The following ZNF721 variants were observed in gnomAD, a reference collection of about 807,000 sequenced individuals.
The protein encoded by ZNF721 is zinc finger protein 721.
Under a neutral mutation model 2.4 loss-of-function variants are expected in ZNF721, and 2 were observed. The ratio of observed to expected loss-of-function variants is 0.82; its 90% CI spans 0.34 to 2.58. The LOEUF (loss-of-function observed/expected upper bound fraction) is 2.58. Among genes scored for constraint, ZNF721 ranks in the 30% most tolerant of loss-of-function variants. The pLI is 0.11. For synonymous variants in ZNF721, 398 were observed against 381.8 expected (o/e 1.04, Z -0.50); for missense variants, 1,187 against 1,085.5 (o/e 1.09, Z -1.31).
chr4:465,092 A>C (rs985669366), intron 2 of ZNF721, among the ~76,000 whole-genome samples: 2 of 151,586 alleles, frequency 1.3e-5, no homozygotes, highest in Non-Finnish European at 2.9e-5. Flanking sequence ...TAAAAAAAAA[A>C]AAAACAGCAG....
intron 1 of ZNF721, among the ~76,000 whole-genome samples, chr4:482,159 C>G (rs1486692617): frequency 1.3e-5 from 2 of 152,130 alleles, no homozygotes; most frequent in African/African-American, 4.8e-5. Flanking sequence ...GTTATTTTAT[C>G]TGAGGTCGAT....
chr4:468,161 G>T (rs1399520635), intron 2 of ZNF721, among the ~76,000 whole-genome samples: 9 of 152,040 alleles, frequency 5.9e-5, no homozygotes, highest in African/African-American at 2.2e-4. Flanking sequence ...CAGCTACTTG[G>T]GGGGCTGAGG....
intron 2 of ZNF721, among the ~76,000 whole-genome samples, chr4:465,572 C>T (rs1325713225): frequency 4.6e-5 from 7 of 151,770 alleles, no homozygotes; most frequent in Non-Finnish European, 8.8e-5. Flanking sequence ...GCTGGGACTA[C>T]AGGCATCCAC....
At chr4:485,125 G>A (rs553841377) in intron 1 of ZNF721, among the ~76,000 whole-genome samples, 112 of 152,058 alleles carry the variant, frequency 7.4e-4, no homozygotes, top group Non-Finnish European at 1.5e-3. Flanking sequence ...TGCCTGCCTC[G>A]GCCTCCCAAA....
chr4:497,615 G>A (rs910345238), intron 1 of ZNF721, among the ~76,000 whole-genome samples: 1 of 152,066 alleles, frequency 6.6e-6, no homozygotes, highest in African/African-American at 2.4e-5. Context: ...CGGACAGGGC[G>A]CGGTGTCTCA....
Position 442,781 on chromosome 4 carries a change from A to G in ZNF721, c.1686T>C (p.Cys562=), listed in dbSNP as rs782781896. 1.2e-6 allele frequency: 2 copies of G among 1,613,938 alleles called. No individual in the cohort carries two copies. The highest frequency in any genetic ancestry group is 8.5e-7 in the Non-Finnish European group (1 of 1,179,992). Residue 562 remains cysteine, a synonymous_variant, in exon 3 of 3, where the codon TGT becomes TGC. Coordinates refer to ENST00000511833, the MANE Select transcript of ZNF721 (RefSeq NM_133474.4). ...TTGCGGACTGTCTAAAGGTTTTGCC[A>G]CATTCTTCACATGTGTAGGGTTTCT... The part of the protein sequence containing the change: ...TGEKPYTCEE[C]GKTFRQSANL...
At position 443,149 on chromosome 4, in the gene ZNF721, T is replaced by C. The variant is rs1285641669; in HGVS notation, c.1318A>G (p.Thr440Ala). 6.8e-6 allele frequency: 11 copies of C among 1,613,760 alleles called. No homozygotes were observed. The highest frequency in any genetic ancestry group is 9.3e-6 in the Non-Finnish European group (11 of 1,179,878). Reference sequence around the variant, plus strand: ...TTACATTTGTAGGGTTTATCTCCAGTATGAATTTTCTTATATTCATTCAGG... The same window carrying C: ...TTACATTTGTAGGGTTTATCTCCAGCATGAATTTTCTTATATTCATTCAGG... ...TNLNEYKKIH[T>A]GDKPYKCKEC... The change falls in exon 3 of 3, where the codon ACT becomes GCT. Residue 440 changes from threonine to alanine, a missense_variant. Thr to Ala is a moderately conservative substitution (Grantham distance 58). Transcript: ENST00000511833.
Position 441,505 on chromosome 4 carries a change from G to A in ZNF721, c.*190C>T, listed in dbSNP as rs868983431. 1.8e-6 allele frequency: 1 copy of A among 561,168 alleles called. No homozygotes were observed. The allele number at this position is 561,168 out of a possible 1,614,324, so 34.8% of individuals were successfully genotyped here. Reference sequence around the variant, plus strand: ...TCTTATGTCTACAACAGATTGAGGTGTGATTAAAAGCCTTCTCACATTTTT... The same window carrying A: ...TCTTATGTCTACAACAGATTGAGGTATGATTAAAAGCCTTCTCACATTTTT... On this transcript the variant is annotated 3_prime_UTR_variant, in exon 3 of 3. Transcript: ENST00000511833.
At chr4:475,509 T>C (rs1279617368) in intron 1 of ZNF721, among the ~76,000 whole-genome samples, 1 of 152,186 alleles carries the variant, frequency 6.6e-6, no homozygotes, top group East Asian at 1.9e-4. Context: ...CTACTTTCTG[T>C]GGAACTATGC....
intron 2 of ZNF721, among the ~76,000 whole-genome samples, chr4:463,239 TAAG>T (rs527342878): frequency 4.4e-4 from 67 of 150,654 alleles, no homozygotes; most frequent in Non-Finnish European, 6.3e-4. Context: ...TGGCAATCAT[TAAG>T]AAGTCAGGAA....
At chr4:473,997 G>A in intron 1 of ZNF721, 1 of 1,505,454 alleles carries the variant, frequency 6.6e-7, no homozygotes, top group South Asian at 1.1e-5. Context: ...TCAGCTTCAA[G>A]GGTGTCGCGA....
intron 2 of ZNF721, among the ~76,000 whole-genome samples, chr4:445,940 A>C (rs1320537326): frequency 6.6e-6 from 1 of 152,228 alleles, no homozygotes; most frequent in African/African-American, 2.4e-5. Flanking sequence ...TCACACCAGA[A>C]GGAACTGCAA....
At chr4:467,960 C>A (rs1715306709) in intron 2 of ZNF721, among the ~76,000 whole-genome samples, 1 of 151,560 alleles carries the variant, frequency 6.6e-6, no homozygotes, top group Non-Finnish European at 1.5e-5. Context: ...CACAGTGAAA[C>A]CCCGTCTCTA....
At chr4:495,311 C>CA (rs201625826) in intron 1 of ZNF721, among the ~76,000 whole-genome samples, 2,354 of 49,620 alleles carry the variant, frequency 0.047, 66 homozygotes, top group African/African-American at 0.1. Context: ...GTCAACTGAA[C>CA]AAAAAAAAAA....
intron 1 of ZNF721, among the ~76,000 whole-genome samples, chr4:494,829 G>T (rs761073754): frequency 2.0e-5 from 3 of 151,896 alleles, no homozygotes; most frequent in Non-Finnish European, 4.4e-5. Flanking sequence ...ACTGAGTCCT[G>T]GGTCTCCAGA....
chr4:455,230 T>C (rs1714809643), intron 2 of ZNF721, among the ~76,000 whole-genome samples: 1 of 152,208 alleles, frequency 6.6e-6, no homozygotes, highest in Admixed American at 6.5e-5. Context: ...TGTGTGTGTC[T>C]TTCCTTCTCC....
Position 442,090 on chromosome 4 carries a change from A to G in ZNF721, c.2377T>C (p.Ser793Pro), listed in dbSNP as rs1553863240. 1 of 1,613,892 alleles carries G rather than the reference A, an allele frequency of 6.2e-7. No homozygotes were observed. Among genetic ancestry groups the G allele is most frequent in the Admixed American group, 1.7e-5 (1 of 60,014 alleles). ...CTCTTATGTTTAGCAAAGCTTGAGG[A>G]TGACGTAATGACTTTGCCACATTCC... The part of the protein sequence containing the change: ...CKECGKVITS[S>P]SSFAKHKRIH... The change falls in exon 3 of 3, where the codon TCC becomes CCC. Residue 793 changes from serine to proline, a missense_variant. By Grantham distance (74) the Ser-to-Pro change is moderately conservative. Coordinates refer to ENST00000511833, the MANE Select transcript of ZNF721 (RefSeq NM_133474.4).
chr4:473,900 G>T lies in ZNF721; in HGVS notation c.-93-1199C>A, dbSNP rs1328457200. ...GGCGGCAGCGGGGACTCCGTTCGCA[G>T]ACTCAGTCCCGCCGCCGCCATTTGC... On this transcript the variant is annotated intron_variant, in intron 1 of 2. Transcript: ENST00000511833. The T allele has an allele frequency of 6.9e-6, 10 of 1,453,872 alleles. No individual in the cohort carries two copies. In the African/African-American group the frequency reaches 1.1e-4, roughly 16 times the overall value. 90.1% of individuals were successfully genotyped at this position (1,453,872 alleles called of 1,614,324 possible). A position where few individuals can be genotyped will look rare whatever the true frequency, so the allele number is the denominator to read the frequency against.
In ZNF721 at chr4:490,148, G is replaced by A. The variant is rs542170551; in HGVS notation, c.-94+8908C>T. 9.2e-5 allele frequency among the ~76,000 whole-genome samples: 14 copies of A among 151,896 alleles called. No homozygotes were observed. In the South Asian group the frequency reaches 1.0e-3, roughly 11 times the overall value. On this transcript the variant is annotated intron_variant, in intron 1 of 2. Transcript: ENST00000511833. ...GCTGGGATTACAAGAGTGAGACACC[G>A]TGCCCGGCCAACATTTTGGATACAG... is the stretch of plus-strand genomic sequence containing the variant.
Sources: gnomAD v4.1 joint callset for allele counts (sites outside exome capture counted in the v4.1 genomes callset) on GRCh38, gnomAD v4.1.1 for gene constraint, MANE v1.5 for transcripts, NCBI Gene and HGNC (gene_info 2026-07-23, HGNC 2026-07-21) for gene names.